The following RBFOX1 variants were observed in gnomAD, a reference collection of about 807,000 sequenced individuals.
The protein encoded by RBFOX1 is RNA binding protein fox-1 homolog 1.
In RBFOX1, 8 loss-of-function variants were observed where a neutral mutation model predicts 57.7. That is an observed-to-expected ratio of 0.14 (90% confidence interval 0.08 to 0.25). RBFOX1 has a LOEUF of 0.25. Ranked by LOEUF, RBFOX1 falls within the 10% of genes least tolerant of loss-of-function variation. The pLI is 1.00. For missense variants in RBFOX1, 611 were observed against 548.5 expected (o/e 1.11, Z -1.14); for synonymous variants, 326 against 222.4 (o/e 1.47, Z -4.15).
intron 3 of RBFOX1, among the ~76,000 whole-genome samples, chr16:6,742,086 G>T (rs1055477929): frequency 6.6e-6 from 1 of 152,104 alleles, no homozygotes; most frequent in African/African-American, 2.4e-5. Flanking sequence ...AAAACATCAT[G>T]TTGTACGTGA....
chr16:7,001,863 C>T (rs946004803), intron 3 of RBFOX1, among the ~76,000 whole-genome samples: 1 of 152,136 alleles, frequency 6.6e-6, no homozygotes, highest in Non-Finnish European at 1.5e-5. Context: ...GCACTTGTCT[C>T]AACTTTTCTT....
chr16:5,931,590 A>C (rs530614529), intron 4 of RBFOX1, among the ~76,000 whole-genome samples: 36 of 152,232 alleles, frequency 2.4e-4, no homozygotes, highest in Non-Finnish European at 4.3e-4. Context: ...TGGGTCTGAA[A>C]AGACGTTACA....
intron 4 of RBFOX1, among the ~76,000 whole-genome samples, chr16:7,165,581 C>T (rs1400828002): frequency 6.6e-6 from 1 of 151,784 alleles, no homozygotes; most frequent in Non-Finnish European, 1.5e-5. Flanking sequence ...GGGCATGCAC[C>T]ACCACGCCCG....
At chr16:6,972,699 A>T (rs750714136) in intron 3 of RBFOX1, among the ~76,000 whole-genome samples, 1 of 152,126 alleles carries the variant, frequency 6.6e-6, no homozygotes, top group Non-Finnish European at 1.5e-5. Flanking sequence ...CTTGATAGAG[A>T]TGGAGGCAGA....
intron 14 of RBFOX1, among the ~76,000 whole-genome samples, chr16:7,696,397 T>G (rs1220565915): frequency 2.6e-5 from 4 of 152,096 alleles, no homozygotes; most frequent in Non-Finnish European, 2.9e-5. Context: ...AGGGAGTAAA[T>G]GATTTTCCCT....
chr16:6,723,329 C>T (rs953186358), intron 3 of RBFOX1, among the ~76,000 whole-genome samples: 2 of 152,140 alleles, frequency 1.3e-5, no homozygotes, highest in Non-Finnish European at 2.9e-5. Flanking sequence ...CGTGAGAATT[C>T]ACCGAGCATA....
At chr16:7,304,154 C>T (rs1477223660) in intron 4 of RBFOX1, 11 of 954,414 alleles carry the variant, frequency 1.2e-5, no homozygotes, top group Admixed American at 1.3e-4. Context: ...GGAGGAGGGA[C>T]CGGCGGGGTG....
chr16:5,574,970 C>T (rs2046405418), intron 2 of RBFOX1, among the ~76,000 whole-genome samples: 1 of 152,178 alleles, frequency 6.6e-6, no homozygotes, highest in South Asian at 2.1e-4. Flanking sequence ...AGCCACTGTG[C>T]TAAGTGGCTT....
chr16:5,746,472 G>A (rs2052986452), intron 3 of RBFOX1, among the ~76,000 whole-genome samples: 1 of 152,158 alleles, frequency 6.6e-6, no homozygotes, highest in Non-Finnish European at 1.5e-5. Flanking sequence ...CCAATTCTGT[G>A]AAGAAAGTCA....
At chr16:6,455,692 A>G (rs2094753956) in intron 2 of RBFOX1, among the ~76,000 whole-genome samples, 1 of 152,162 alleles carries the variant, frequency 6.6e-6, no homozygotes, top group South Asian at 2.1e-4. Flanking sequence ...TCAAGTGTTA[A>G]TGGTCTCCTA....
intron 4 of RBFOX1, among the ~76,000 whole-genome samples, chr16:7,088,190 T>G (rs568778530): frequency 6.6e-6 from 1 of 152,152 alleles, no homozygotes; most frequent in African/African-American, 2.4e-5. Context: ...ACATTGATGG[T>G]GGTGAATTCA....
At chr16:5,715,553 G>A (rs762719896) in intron 3 of RBFOX1, among the ~76,000 whole-genome samples, 1 of 152,162 alleles carries the variant, frequency 6.6e-6, no homozygotes, top group African/African-American at 2.4e-5. Context: ...CTCTCTTTTT[G>A]TCTTGCCAGT....
intron 3 of RBFOX1, among the ~76,000 whole-genome samples, chr16:6,892,266 C>G (rs924973957): frequency 6.6e-6 from 1 of 152,044 alleles, no homozygotes; most frequent in East Asian, 1.9e-4. Context: ...CACTTTGTAA[C>G]GAATGTATTT....
At chr16:7,027,373 T>C (rs957702739) in intron 3 of RBFOX1, among the ~76,000 whole-genome samples, 1 of 152,178 alleles carries the variant, frequency 6.6e-6, no homozygotes, top group Non-Finnish European at 1.5e-5. Context: ...TTTTTAGATA[T>C]AATCTCATAG....
At chr16:6,098,736 C>G (rs2096272975) in intron 1 of RBFOX1, among the ~76,000 whole-genome samples, 1 of 152,204 alleles carries the variant, frequency 6.6e-6, no homozygotes, top group East Asian at 1.9e-4. Context: ...CCACATCCAG[C>G]TAAAAATCCA....
At chr16:6,994,945 T>TTGTGTGTGTGTGTGTGTG (rs145095044) in intron 3 of RBFOX1, among the ~76,000 whole-genome samples, 33 of 148,102 alleles carry the variant, frequency 2.2e-4, no homozygotes, top group South Asian at 1.3e-3. Context: ...TTGCATTATT[T>TTGTGTGTGTGTGTGTGTG]TGTGTGTGTG....
chr16:5,298,105 G>C lies in RBFOX1; in HGVS notation c.219+58000G>C, dbSNP rs1340785066. On this transcript the variant is annotated intron_variant, in intron 1 of 2. Transcript: ENST00000585867. ...ATTTAAGTAAAAGATGTGATAACCT[G>C]CTCTTTGAACAAAAGGCAGCCACAC... Among the ~76,000 whole-genome samples the C allele has an allele frequency of 8.5e-5, 13 of 152,222 alleles. No individual in the cohort carries two copies. In the East Asian group the frequency reaches 2.5e-3, roughly 29 times the overall value.
At chr16:7,666,382 T>C (rs949375057) in intron 13 of RBFOX1, among the ~76,000 whole-genome samples, 23 of 108,196 alleles carry the variant, frequency 2.1e-4, no homozygotes, top group Admixed American at 1.5e-3. Flanking sequence ...CAGCAACACC[T>C]ACCCAAGAAA....
At chr16:5,627,403 C>G (rs1371676525) in intron 3 of RBFOX1, among the ~76,000 whole-genome samples, 2 of 145,638 alleles carry the variant, frequency 1.4e-5, no homozygotes, top group Non-Finnish European at 2.9e-5. Context: ...TGCCTTTTAA[C>G]CATAGTGATC....
Sources: gnomAD v4.1 joint callset for allele counts (sites outside exome capture counted in the v4.1 genomes callset) on GRCh38, gnomAD v4.1.1 for gene constraint, MANE v1.5 for transcripts, NCBI Gene and HGNC (gene_info 2026-07-23, HGNC 2026-07-21) for gene names.